Variants in RBFOX1 observed in about 807,000 individuals in gnomAD.
RBFOX1 encodes RNA binding protein fox-1 homolog 1.
In RBFOX1, 8 loss-of-function variants were observed where a neutral mutation model predicts 57.7. The observed-to-expected ratio is 0.14, with a 90% confidence interval of 0.08 to 0.25. The LOEUF is 0.25. RBFOX1 is among the 10% of genes least tolerant of loss of function. The pLI is 1.00. For missense variants in RBFOX1, 611 were observed against 548.5 expected (o/e 1.11, Z -1.14); for synonymous variants, 326 against 222.4 (o/e 1.47, Z -4.15).
At chr16:7,285,142 A>G (rs75402681) in intron 4 of RBFOX1, among the ~76,000 whole-genome samples, 1,959 of 136,636 alleles carry the variant, frequency 0.014, 48 homozygotes, top group African/African-American at 0.053. Flanking sequence ...ATTTACCACA[A>G]TGGGCCTCAG....
chr16:6,991,971 A>G (rs913459007), intron 3 of RBFOX1, among the ~76,000 whole-genome samples: 3 of 152,152 alleles, frequency 2.0e-5, no homozygotes, highest in Non-Finnish European at 4.4e-5. Flanking sequence ...CTGTGTTGTT[A>G]ACAGGACTCC....
intron 2 of RBFOX1, among the ~76,000 whole-genome samples, chr16:6,538,606 C>T (rs146593089): frequency 1.3e-5 from 2 of 152,292 alleles, no homozygotes; most frequent in African/African-American, 4.8e-5. Flanking sequence ...GTTGTCCAGG[C>T]TGTGGAGAAA....
chr16:7,448,275 C>G (rs1240943924), intron 4 of RBFOX1, among the ~76,000 whole-genome samples: 3 of 151,626 alleles, frequency 2.0e-5, no homozygotes, highest in African/African-American at 4.9e-5. Context: ...TCTGAGAACT[C>G]TAAGGAAGGA....
chr16:6,766,527 A>T (rs28725397), intron 3 of RBFOX1, among the ~76,000 whole-genome samples: 1 of 151,818 alleles, frequency 6.6e-6, no homozygotes. Flanking sequence ...GCACTGTCCA[A>T]TAGAACTTTC....
At chr16:7,266,216 C>G (rs890400201) in intron 4 of RBFOX1, among the ~76,000 whole-genome samples, 2 of 127,932 alleles carry the variant, frequency 1.6e-5, no homozygotes, top group East Asian at 2.4e-4. Context: ...ACCTCGTGAC[C>G]CGGCCGCCTC....
At chr16:6,809,199 C>A (rs1275499422) in intron 3 of RBFOX1, among the ~76,000 whole-genome samples, 3 of 152,192 alleles carry the variant, frequency 2.0e-5, no homozygotes, top group Non-Finnish European at 4.4e-5. Flanking sequence ...AATTTTCTTT[C>A]ACCACCTTGG....
chr16:7,685,613 CAAT>C (rs2075900619), intron 14 of RBFOX1, among the ~76,000 whole-genome samples: 2 of 152,028 alleles, frequency 1.3e-5, no homozygotes, highest in African/African-American at 4.8e-5. Flanking sequence ...CAAATGTTAT[CAAT>C]AACTCGGTTT....
rs1301994787 is a variant in RBFOX1 at position 7,185,894 on chromosome 16, T to G, written c.27+133796T>G. On this transcript the variant is annotated intron_variant, in intron 4 of 15. Coordinates refer to ENST00000550418, the MANE Select transcript of RBFOX1 (RefSeq NM_018723.4). ...GATAACAACAAACCCAACCCATTCT[T>G]GAGCAATGATACAATTCCCACTGGT... Among the ~76,000 whole-genome samples, 3 of 152,174 alleles carry G rather than the reference T, an allele frequency of 2.0e-5. No individual in the cohort carries two copies. In the East Asian group the frequency reaches 5.8e-4, roughly 29 times the overall value.
chr16:6,598,049 G>C (rs939634030), intron 2 of RBFOX1, among the ~76,000 whole-genome samples: 9 of 152,314 alleles, frequency 5.9e-5, no homozygotes, highest in Non-Finnish European at 8.8e-5. Flanking sequence ...TATGGTTATA[G>C]TCACTTTGGT....
chr16:6,752,705 C>G (rs1404169014), intron 3 of RBFOX1, among the ~76,000 whole-genome samples: 1 of 152,154 alleles, frequency 6.6e-6, no homozygotes, highest in Non-Finnish European at 1.5e-5. Flanking sequence ...TTTCATGCAA[C>G]AGGTGCACCT....
At chr16:6,373,401 C>G (rs368088438) in intron 2 of RBFOX1, among the ~76,000 whole-genome samples, 2 of 123,174 alleles carry the variant, frequency 1.6e-5, no homozygotes, top group Non-Finnish European at 1.7e-5. Flanking sequence ...TGGGTAGGAG[C>G]ATTGTTGGGT....
At chr16:5,680,759 TAA>T (rs1191506588) in intron 3 of RBFOX1, among the ~76,000 whole-genome samples, 1 of 152,186 alleles carries the variant, frequency 6.6e-6, no homozygotes, top group Admixed American at 6.5e-5. Flanking sequence ...CTGCCTATGA[TAA>T]GATGGTTTAC....
intron 3 of RBFOX1, among the ~76,000 whole-genome samples, chr16:6,931,370 C>A (rs756069910): frequency 8.1e-5 from 12 of 148,742 alleles, no homozygotes; most frequent in African/African-American, 2.9e-4. Context: ...CACATACATA[C>A]ACATATATAC....
chr16:6,526,640 C>T (rs2096581599), intron 2 of RBFOX1, among the ~76,000 whole-genome samples: 1 of 151,730 alleles, frequency 6.6e-6, no homozygotes, highest in Non-Finnish European at 1.5e-5. Context: ...ACCATCCTGG[C>T]TAACATGGAG....
intron 10 of RBFOX1, among the ~76,000 whole-genome samples, chr16:7,607,912 C>G (rs1362354861): frequency 6.6e-6 from 1 of 152,202 alleles, no homozygotes; most frequent in African/African-American, 2.4e-5. Flanking sequence ...CACCCCTTCC[C>G]TGCCTAAGCA....
At chr16:7,361,479 C>G (rs1453086791) in intron 4 of RBFOX1, among the ~76,000 whole-genome samples, 3 of 152,178 alleles carry the variant, frequency 2.0e-5, no homozygotes, top group East Asian at 1.9e-4. Flanking sequence ...TGGTCCCCTG[C>G]TTGACACCCT....
intron 2 of RBFOX1, among the ~76,000 whole-genome samples, chr16:6,367,035 T>C (rs1331070312): frequency 6.6e-6 from 1 of 152,242 alleles, no homozygotes; most frequent in Admixed American, 6.5e-5. Context: ...TGCTTCACAC[T>C]ATTTTCTTCC....
chr16:6,246,843 C>T (rs888996671), intron 1 of RBFOX1, among the ~76,000 whole-genome samples: 5 of 152,086 alleles, frequency 3.3e-5, no homozygotes, highest in Non-Finnish European at 5.9e-5. Flanking sequence ...CTGAGGCGGG[C>T]GGATCACCTG....
chr16:7,155,595 G>GAAA (rs57504385), intron 4 of RBFOX1, among the ~76,000 whole-genome samples: 1 of 121,238 alleles, frequency 8.2e-6, no homozygotes, highest in African/African-American at 3.1e-5. Context: ...GCACTTGTCT[G>GAAA]AAAAAAAAAA....
Sources: gnomAD v4.1 joint callset for allele counts (sites outside exome capture counted in the v4.1 genomes callset) on GRCh38, gnomAD v4.1.1 for gene constraint, MANE v1.5 for transcripts, NCBI Gene and HGNC (gene_info 2026-07-23, HGNC 2026-07-21) for gene names.